COMMD2: variants seen among roughly 807,000 people sequenced by gnomAD.
COMMD2 encodes the protein COMM domain-containing protein 2.
In COMMD2, 25 loss-of-function variants were observed where a neutral mutation model predicts 22.5. The ratio of observed to expected loss-of-function variants is 1.11; its 90% CI spans 0.81 to 1.55. The LOEUF is 1.55. Among genes scored for constraint, COMMD2 ranks in the 40% most tolerant of loss-of-function variants. The pLI, the probability that COMMD2 is intolerant of heterozygous loss-of-function variation, is 0.00. For missense variants in COMMD2, 223 were observed against 232.9 expected (o/e 0.96, Z 0.28); for synonymous variants, 98 against 91.2 (o/e 1.07, Z -0.42).
At position 149,739,322 on chromosome 3, in the gene COMMD2, A is replaced by G. The variant is rs1716146598; in HGVS notation, c.*2199T>C. On this transcript the variant is annotated 3_prime_UTR_variant, in exon 5 of 5. Coordinates refer to ENST00000473414, the MANE Select transcript of COMMD2 (RefSeq NM_016094.4). ...CAAGGATGTGGAATGTTTGAGCAAA[A>G]AAAAGGAAGAGGCTTATTCAATGGC... 1 of 152,194 alleles carries G rather than the reference A, an allele frequency of 6.6e-6. No individual in the cohort carries two copies. The highest frequency in any genetic ancestry group is 2.1e-4 in the South Asian group (1 of 4,834). 9.4% of individuals were successfully genotyped at this position (152,194 alleles called of 1,614,324 possible).
intron 4 of COMMD2, among the ~76,000 whole-genome samples, chr3:149,746,537 C>T (rs1716374108): frequency 6.6e-6 from 1 of 150,650 alleles, no homozygotes. Context: ...TTTGGGAGGC[C>T]AAGGCGGGCA....
chr3:149,750,380 C>A, intron 4 of COMMD2: 1 of 475,310 alleles, frequency 2.1e-6, no homozygotes, highest in South Asian at 1.6e-5. Context: ...CACTTTTCTA[C>A]ATCTGTTAAA....
rs552578173 is a variant in COMMD2, at chr3:149,738,688, G to A, written c.*2833C>T. On this transcript the variant is annotated 3_prime_UTR_variant, in exon 5 of 5. Transcript: ENST00000473414. ...AATTCAAATCCTTTTGTCCAACTCCGAAGACTTATCTCTTAACCACTTCAT... is the reference window on the plus strand; with the variant it reads ...AATTCAAATCCTTTTGTCCAACTCCAAAGACTTATCTCTTAACCACTTCAT... 13 of 152,158 alleles carry A rather than the reference G, an allele frequency of 8.5e-5. No individual in the cohort carries two copies. The highest frequency in any genetic ancestry group is 4.6e-4 in the Admixed American group (7 of 15,284). 9.4% of individuals were successfully genotyped at this position (152,158 alleles called of 1,614,324 possible).
At chr3:149,744,772 T>G (rs2108249869) in intron 4 of COMMD2, among the ~76,000 whole-genome samples, 1 of 152,310 alleles carries the variant, frequency 6.6e-6, no homozygotes, top group African/African-American at 2.4e-5. Flanking sequence ...GCAAATAAGC[T>G]GAGGAACTCA....
In COMMD2 at chr3:149,752,468, C is replaced by G. The variant is rs777401512; in HGVS notation, c.-24G>C. 2 of 1,602,114 alleles carry G rather than the reference C, an allele frequency of 1.2e-6. No individual in the cohort carries two copies. The highest frequency in any genetic ancestry group is 1.7e-6 in the Non-Finnish European group (2 of 1,173,300). On this transcript the variant is annotated 5_prime_UTR_variant, in exon 1 of 5. Transcript: ENST00000473414. ...ATCTTCACTGTCCTACGATTTCACC[C>G]GGCAGCGCCGACCCCGCCTTCGCCA...
At position 149,741,812 on chromosome 3, in the gene COMMD2, A is replaced by C. The variant is rs925644764; in HGVS notation, c.403-94T>G. ...TTATCTTAAACCATACACAAAAATT[A>C]AGTTTCAGATGAATTACAGACTTCA... On this transcript the variant is annotated intron_variant, in intron 4 of 4. Transcript: ENST00000473414. 3.1e-5 allele frequency: 31 copies of C among 998,188 alleles called. No homozygotes were observed. In the Middle Eastern group the frequency reaches 9.7e-4, roughly 31 times the overall value. The allele number at this position is 998,188 out of a possible 1,614,324, so 61.8% of individuals were successfully genotyped here.
At chr3:149,746,142 T>C (rs1423543412) in intron 4 of COMMD2, among the ~76,000 whole-genome samples, 1 of 152,214 alleles carries the variant, frequency 6.6e-6, no homozygotes, top group East Asian at 1.9e-4. Context: ...ATTAATGCCA[T>C]GAGGGAGCAT....
At position 149,740,520 on chromosome 3, in the gene COMMD2, G is replaced by A. The variant is rs1015236741; in HGVS notation, c.*1001C>T. 2.0e-5 allele frequency: 3 copies of A among 152,162 alleles called. No homozygotes were observed. Among genetic ancestry groups the A allele is most frequent in the East Asian group, 1.9e-4 (1 of 5,190 alleles). The allele number at this position is 152,162 out of a possible 1,614,324, so 9.4% of individuals were successfully genotyped here. Reference sequence around the variant, plus strand: ...TAGTCCTTGATAAAATACAATATACGACCACACAAATTTGAGTACTATTTA... The same window carrying A: ...TAGTCCTTGATAAAATACAATATACAACCACACAAATTTGAGTACTATTTA... On this transcript the variant is annotated 3_prime_UTR_variant, in exon 5 of 5. Transcript: ENST00000473414.
chr3:149,742,742 G>A (rs1716268520), intron 4 of COMMD2, among the ~76,000 whole-genome samples: 1 of 152,120 alleles, frequency 6.6e-6, no homozygotes, highest in Non-Finnish European at 1.5e-5. Context: ...GCTGAGATGG[G>A]TGGATCACAA....
In COMMD2 at chr3:149,750,665, A is replaced by T. The variant is rs1576660662; in HGVS notation, c.402+13T>A. ...TTATATTCTATGTTAAGTTAATTTT[A>T]AAAATGCTATACCTGTACATCTAGT... On this transcript the variant is annotated intron_variant, in intron 4 of 4. Coordinates refer to ENST00000473414, the MANE Select transcript of COMMD2 (RefSeq NM_016094.4). 6.6e-6 allele frequency: 10 copies of T among 1,507,382 alleles called. 1 individual carries two copies. In the East Asian group the frequency reaches 9.2e-5, roughly 14 times the overall value. The allele number at this position is 1,507,382 out of a possible 1,614,324, so 93.4% of individuals were successfully genotyped here.
chr3:149,751,148 T>C (rs58357759), intron 3 of COMMD2, among the ~76,000 whole-genome samples: 14,012 of 152,240 alleles, frequency 0.092, 1,485 homozygotes, highest in African/African-American at 0.25. Context: ...CTTATGTATC[T>C]TCTTAAGATA....
rs1469890364 is a variant in COMMD2 at position 149,741,474 on chromosome 3, C to G, written c.*47G>C. 3 of 1,422,060 alleles carry G rather than the reference C, an allele frequency of 2.1e-6. No individual in the cohort carries two copies. The African/African-American group carries it at 4.3e-5, about 20-fold the overall frequency. 88.1% of individuals were successfully genotyped at this position (1,422,060 alleles called of 1,614,324 possible). ...ATTTTGAAAAGTAATTGCTGTATATCATCAATTCATAAGTGATTCAAATGA... is the reference window on the plus strand; with the variant it reads ...ATTTTGAAAAGTAATTGCTGTATATGATCAATTCATAAGTGATTCAAATGA... On this transcript the variant is annotated 3_prime_UTR_variant, in exon 5 of 5. Coordinates refer to ENST00000473414, the MANE Select transcript of COMMD2 (RefSeq NM_016094.4).
Position 149,752,454 on chromosome 3 carries a change from C to G in COMMD2, c.-10G>C. 6.2e-7 allele frequency: 1 copy of G among 1,611,294 alleles called. No individual in the cohort carries two copies. The highest frequency in any genetic ancestry group is 8.5e-7 in the Non-Finnish European group (1 of 1,178,580). ...ACAATTCCAGCAGCATCTTCACTGT[C>G]CTACGATTTCACCCGGCAGCGCCGA... On this transcript the variant is annotated 5_prime_UTR_variant, in exon 1 of 5. Coordinates refer to ENST00000473414, the MANE Select transcript of COMMD2 (RefSeq NM_016094.4).
intron 2 of COMMD2, chr3:149,751,941 A>G: frequency 2.4e-6 from 1 of 415,730 alleles, no homozygotes; most frequent in Non-Finnish European, 4.3e-6. Context: ...GTATATTTAT[A>G]CAAAACACTT....
chr3:149,739,205 G>A lies in COMMD2; in HGVS notation c.*2316C>T, dbSNP rs1168320348. The A allele has an allele frequency of 2.0e-5, 3 of 152,128 alleles. No individual in the cohort carries two copies. The highest frequency in any genetic ancestry group is 7.2e-5 in the African/African-American group (3 of 41,418). The allele number at this position is 152,128 out of a possible 1,614,324, so 9.4% of individuals were successfully genotyped here. ...CAAGAAACCTGGGTCATACTGGAGA[G>A]AACAGTGACTACCTCTAAAGAAAAT... is the stretch of plus-strand genomic sequence containing the variant. On this transcript the variant is annotated 3_prime_UTR_variant, in exon 5 of 5. Transcript: ENST00000473414.
At position 149,740,189 on chromosome 3, in the gene COMMD2, C is replaced by G. The variant is rs185732969; in HGVS notation, c.*1332G>C. ...ACAATTCTTCTCCCTAAGCTGACCT[C>G]AGTATCTCTGCACTCTCTCAGGCTG... On this transcript the variant is annotated 3_prime_UTR_variant, in exon 5 of 5. Coordinates refer to ENST00000473414, the MANE Select transcript of COMMD2 (RefSeq NM_016094.4). 6.6e-6 allele frequency: 1 copy of G among 152,316 alleles called. No individual in the cohort carries two copies. Among genetic ancestry groups the G allele is most frequent in the African/African-American group, 2.4e-5 (1 of 41,574 alleles). 9.4% of individuals were successfully genotyped at this position (152,316 alleles called of 1,614,324 possible).
chr3:149,750,993 CA>C, intron 3 of COMMD2, 142 bp from the exon 4 acceptor site: 1 of 583,994 alleles, frequency 1.7e-6, no homozygotes, highest in East Asian at 3.1e-5. Context: ...ACCACCATTC[CA>C]AAATCTGTGT....
intron 3 of COMMD2, 23 bp downstream of exon 3, chr3:149,751,378 CAA>C (rs1559856334): frequency 1.2e-6 from 2 of 1,613,942 alleles, no homozygotes; most frequent in Admixed American, 1.7e-5. Flanking sequence ...CCAGCCAACA[CAA>C]AACAGTCCAG....
Position 149,741,643 on chromosome 3 carries a change from G to C in COMMD2, c.478C>G (p.His160Asp), listed in dbSNP as rs1346822803. 1 of 1,613,934 alleles carries C rather than the reference G, an allele frequency of 6.2e-7. No individual in the cohort carries two copies. Among genetic ancestry groups the C allele is most frequent in the Non-Finnish European group, 8.5e-7 (1 of 1,179,954 alleles). The change falls in exon 5 of 5, where the codon CAC becomes GAC. Residue 160 changes from histidine to aspartate, a missense_variant. Transcript: ENST00000473414. Reference sequence around the variant, plus strand: ...TCTGTCTGCAGAACTTTGGTGTTGTGATCTCCATTTTGATTAAGGTGTAGC... The same window carrying C: ...TCTGTCTGCAGAACTTTGGTGTTGTCATCTCCATTTTGATTAAGGTGTAGC... The part of the protein sequence containing the change: ...IKLHLNQNGD[H>D]NTKVLQTDPA...
Sources: allele counts gnomAD v4.1 joint callset (sites outside exome capture counted in the v4.1 genomes callset), GRCh38; gene constraint gnomAD v4.1.1; transcripts MANE v1.5; gene names NCBI Gene and HGNC (gene_info 2026-07-23, HGNC 2026-07-21).